KRTAP10-6: variants seen among roughly 807,000 people sequenced by gnomAD.
KRTAP10-6 encodes keratin associated protein 10-6.
KRTAP10-6 carries 1 observed loss-of-function variant against 0.5 expected under a neutral mutation model. The observed-to-expected ratio is 1.92, with a 90% CI of 0.68 to 9.09. The LOEUF (loss-of-function observed/expected upper bound fraction) is 9.09. Among genes scored for constraint, KRTAP10-6 ranks in the 30% most tolerant of loss-of-function variants. The pLI, the probability that KRTAP10-6 is intolerant of heterozygous loss-of-function variation, is 0.13. For synonymous variants in KRTAP10-6, 136 were observed against 196.5 expected (o/e 0.69, Z 2.58); for missense variants, 337 against 464.2 (o/e 0.73, Z 2.52).
rs200861871 is a variant in KRTAP10-6, at chr21:44,592,125, G to A, written c.360C>T (p.Cys120=). Residue 120 remains cysteine, a synonymous_variant, in exon 1 of 1, where the codon TGC becomes TGT. Transcript: ENST00000400368. Reference sequence around the variant, plus strand: ...AGACGGACACACAGCACACAGGCTTGCAGCAGACAGTCTTGCAGCAGACGG... The same window carrying A: ...AGACGGACACACAGCACACAGGCTTACAGCAGACAGTCTTGCAGCAGACGG... ...CVPVCCKTVC[C]KPVCCVSVCC... is the part of the protein sequence containing the mutation. 2.7e-6 allele frequency: 4 copies of A among 1,462,854 alleles called. No homozygotes were observed. The South Asian group carries it at 5.0e-5, about 18-fold the overall frequency. The allele number at this position is 1,462,854 out of a possible 1,614,324, so 90.6% of individuals were successfully genotyped here.
chr21:44,592,008 G>C lies in KRTAP10-6; in HGVS notation c.477C>G (p.Val159=), dbSNP rs782113689. 1.2e-6 allele frequency: 2 copies of C among 1,608,528 alleles called. No homozygotes were observed. The highest frequency in any genetic ancestry group is 1.7e-6 in the Non-Finnish European group (2 of 1,177,990). Residue 159 remains valine (V), a synonymous_variant, in exon 1 of 1, where the codon GTC becomes GTG. Transcript: ENST00000400368. The stretch of plus-strand genomic sequence containing the variant: ...TCCCAGAGCAGACAGGCTTGCAGCA[G>C]ACGGGCACACAGCAGGCCTGCTGGC... ...SPCQQACCVP[V]CCKPVCSGIS...
the KRTAP10-6 span, chr21:44,591,495 G>T: frequency 6.2e-7 from 1 of 1,614,094 alleles, no homozygotes; most frequent in Admixed American, 1.7e-5. Flanking sequence ...AGCTGGGCTG[G>T]CAGGAGGAGG....
rs1173333113 is a variant in KRTAP10-6 at position 44,591,850 on chromosome 21, G to T, written c.635C>A (p.Ser212Tyr). The T allele has an allele frequency of 6.2e-7, 1 of 1,607,900 alleles. No individual in the cohort carries two copies. Among genetic ancestry groups the T allele is most frequent in the Non-Finnish European group, 8.5e-7 (1 of 1,178,926 alleles). Residue 212 changes from serine to tyrosine, a missense_variant, in exon 1 of 1, where the codon TCT becomes TAT. Coordinates refer to ENST00000400368, the MANE Select transcript of KRTAP10-6 (RefSeq NM_198688.3). The part of the protein sequence containing the change: ...SSCTPSCCQQ[S>Y]SCQPTCCTSS... ...GGTGCAGCAAGTTGGCTGGCAGCTA[G>T]ACTGCTGGCAGCATGAGGGTGTGCA...
rs1979873256 is a variant in KRTAP10-6 at position 44,591,733 on chromosome 21, C to A, written c.752G>T (p.Cys251Phe). 6.3e-7 allele frequency: 1 copy of A among 1,596,082 alleles called. No homozygotes were observed. The highest frequency in any genetic ancestry group is 1.4e-5 in the African/African-American group (1 of 73,852). ...PTCSEDSSSC[C>F]QQSSCQPACC... Reference sequence around the variant, plus strand: ...AGCTGGCTGGCAGCTAGACTGCTGGCAGCATGAAGAGGAATCCTCAGAGCA... The same window carrying A: ...AGCTGGCTGGCAGCTAGACTGCTGGAAGCATGAAGAGGAATCCTCAGAGCA... Residue 251 changes from cysteine (C) to phenylalanine (F), a missense_variant, in exon 1 of 1, where the codon TGC becomes TTC. Physicochemically the swap from Cys to Phe is radical, Grantham distance 205. This residue lies in a region of KRTAP10-6 where 218 missense variants were observed against 225.3 expected (regional missense o/e 0.97). Coordinates refer to ENST00000400368, the MANE Select transcript of KRTAP10-6 (RefSeq NM_198688.3).
Position 44,591,745 on chromosome 21 carries a change from G to A in KRTAP10-6, c.740C>T (p.Ser247Phe), listed in dbSNP as rs782137584. The change falls in exon 1 of 1, where the codon TCC becomes TTC. Residue 247 changes from serine to phenylalanine, a missense_variant. By Grantham distance (155) the Ser-to-Phe change is radical. Around this residue, in one of 3 missense-constraint regions of KRTAP10-6, gnomAD observed 218 missense variants for 225.3 expected, o/e 0.97. Coordinates refer to ENST00000400368, the MANE Select transcript of KRTAP10-6 (RefSeq NM_198688.3). ...VCCVPTCSED[S>F]SSCCQQSSCQ... Reference sequence around the variant, plus strand: ...GCTAGACTGCTGGCAGCATGAAGAGGAATCCTCAGAGCAGGTGGGCACACA... The same window carrying A: ...GCTAGACTGCTGGCAGCATGAAGAGAAATCCTCAGAGCAGGTGGGCACACA... The A allele has an allele frequency of 1.9e-5, 31 of 1,602,494 alleles. No individual in the cohort carries two copies. The African/African-American group carries it at 3.9e-4, about 20-fold the overall frequency.
chr21:44,591,635 G>A, the KRTAP10-6 span: 3 of 1,613,764 alleles, frequency 1.9e-6, no homozygotes, highest in East Asian at 2.2e-5. Flanking sequence ...CTAGACTGCT[G>A]GCAGCATGAT....
rs2146128123 is a variant in KRTAP10-6 at position 44,592,500 on chromosome 21, G to T, written c.-16C>A. 2 of 1,597,454 alleles carry T rather than the reference G, an allele frequency of 1.3e-6. No homozygotes were observed. The highest frequency in any genetic ancestry group is 1.7e-6 in the Non-Finnish European group (2 of 1,171,350). ...ACGCGGCCATGCTGGGGTTGAACTG[G>T]TGGAGGGTGAGGGAGTGAGCCTGTG... On this transcript the variant is annotated 5_prime_UTR_variant, in exon 1 of 1. Transcript: ENST00000400368.
rs370922526 is a variant in KRTAP10-6 at position 44,592,228 on chromosome 21, G to A, written c.257C>T (p.Thr86Met). 8.1e-6 allele frequency: 13 copies of A among 1,601,836 alleles called. No homozygotes were observed. The highest frequency in any genetic ancestry group is 4.2e-5 in the African/African-American group (3 of 72,040). Residue 86 changes from threonine (T) to methionine (M), a missense_variant, in exon 1 of 1, where the codon ACG becomes ATG. Physicochemically the swap from Thr to Met is moderately conservative, Grantham distance 81 (BLOSUM62 -1). This residue lies in a region of KRTAP10-6 where 87 missense variants were observed against 208.2 expected (regional missense o/e 0.42). Coordinates refer to ENST00000400368, the MANE Select transcript of KRTAP10-6 (RefSeq NM_198688.3). ...GCTAGACTGCTGGCAGCACGAGGGCGTGCAGGAGCTGGTGCAGCCTGATTG... is the reference window on the plus strand; with the variant it reads ...GCTAGACTGCTGGCAGCACGAGGGCATGCAGGAGCTGGTGCAGCCTGATTG... ...PCQSGCTSSC[T>M]PSCCQQSSCQ...
chr21:44,591,859 C>A lies in KRTAP10-6; in HGVS notation c.626G>T (p.Cys209Phe). The A allele has an allele frequency of 6.2e-7, 1 of 1,605,760 alleles. No homozygotes were observed. The highest frequency in any genetic ancestry group is 8.5e-7 in the Non-Finnish European group (1 of 1,178,734). The change falls in exon 1 of 1, where the codon TGC becomes TTC. Residue 209 changes from cysteine to phenylalanine, a missense_variant. Around this residue, in one of 3 missense-constraint regions of KRTAP10-6, gnomAD observed 218 missense variants for 225.3 expected, o/e 0.97. Transcript: ENST00000400368. ...GCTSSCTPSCCQQSSCQPTCC... is the reference protein window; with the variant it reads ...GCTSSCTPSCFQQSSCQPTCC... The stretch of plus-strand genomic sequence containing the variant: ...AGTTGGCTGGCAGCTAGACTGCTGG[C>A]AGCATGAGGGTGTGCAGGAGCTGGT...
In KRTAP10-6 at chr21:44,591,870, T is replaced by G. The variant is rs233305; in HGVS notation, c.615A>C (p.Thr205=). The G allele has an allele frequency of 6.7e-7, 1 of 1,483,770 alleles. No homozygotes were observed. The highest frequency in any genetic ancestry group is 1.8e-5 in the African/African-American group (1 of 56,052). 91.9% of individuals were successfully genotyped at this position (1,483,770 alleles called of 1,614,324 possible). Residue 205 remains threonine, a synonymous_variant, in exon 1 of 1, where the codon ACA becomes ACC. Transcript: ENST00000400368. Reference sequence around the variant, plus strand: ...AGCTAGACTGCTGGCAGCATGAGGGTGTGCAGGAGCTGGTGCAGCCTGATT... The same window carrying G: ...AGCTAGACTGCTGGCAGCATGAGGGGGTGCAGGAGCTGGTGCAGCCTGATT... The part of the protein sequence containing the change: ...PCQSGCTSSC[T]PSCCQQSSCQ...
rs781919363 is a variant in KRTAP10-6 at position 44,591,993 on chromosome 21, G to A, written c.492C>T (p.Val164=). ...AGCACGAAGAGGAAATCCCAGAGCA[G>A]ACAGGCTTGCAGCAGACGGGCACAC... ...ACCVPVCCKP[V]CSGISSSCCQ... The change falls in exon 1 of 1, where the codon GTC becomes GTT. Residue 164 remains valine, a synonymous_variant. Transcript: ENST00000400368. 83 of 1,598,968 alleles carry A rather than the reference G, an allele frequency of 5.2e-5. No homozygotes were observed. The East Asian group carries it at 1.9e-3, about 36-fold the overall frequency.
rs13051603 is a variant in KRTAP10-6 at position 44,592,106 on chromosome 21, A to G, written c.379T>C (p.Ser127Pro). 0.081 allele frequency: 114,186 copies of G among 1,409,280 alleles called. 20,976 individuals are homozygous for G. The highest frequency in any genetic ancestry group is 0.36 in the African/African-American group (16,573 of 45,900). The allele number at this position is 1,409,280 out of a possible 1,614,324, so 87.3% of individuals were successfully genotyped here. A position where few individuals can be genotyped will look rare whatever the true frequency, so the allele number is the denominator to read the frequency against. Residue 127 changes from serine (S) to proline (P), a missense_variant, in exon 1 of 1, where the codon TCC (serine) becomes CCC (proline). Ser to Pro is a moderately conservative substitution (Grantham distance 74, BLOSUM62 -1). Coordinates refer to ENST00000400368, the MANE Select transcript of KRTAP10-6 (RefSeq NM_198688.3). The part of the protein sequence containing the change: ...TVCCKPVCCV[S>P]VCCGDSSCCQ... ...CATGAAGAATCCCCACAGCAGACGG[A>G]CACACAGCACACAGGCTTGCAGCAG...
At position 44,591,797 on chromosome 21, in the gene KRTAP10-6, C is replaced by A; in HGVS notation, c.688G>T (p.Val230Leu). ...CACACAGGCACGCAGCAGACGGGCA[C>A]GCAGCAGGCCTGCTGGCAGGGGGAG... ...TSSPCQQACCVPVCCVPVCCV... is the reference protein window; with the variant it reads ...TSSPCQQACCLPVCCVPVCCV... Residue 230 changes from valine to leucine, a missense_variant, in exon 1 of 1, where the codon GTG (valine) becomes TTG (leucine). By Grantham distance (32) the Val-to-Leu change is conservative (BLOSUM62 1). Coordinates refer to ENST00000400368, the MANE Select transcript of KRTAP10-6 (RefSeq NM_198688.3). The A allele has an allele frequency of 6.3e-7, 1 of 1,585,636 alleles. No homozygotes were observed.
Position 44,592,039 on chromosome 21 carries a change from G to A in KRTAP10-6, c.446C>T (p.Ser149Phe). Reference sequence around the variant, plus strand: ...CACACAGCAGGCCTGCTGGCAGGGGGAGGAGGTGCAGCAAGCTGACTGGCA... The same window carrying A: ...CACACAGCAGGCCTGCTGGCAGGGGAAGGAGGTGCAGCAAGCTGACTGGCA... The part of the protein sequence containing the change: ...SSCQSACCTS[S>F]PCQQACCVPV... Residue 149 changes from serine to phenylalanine, a missense_variant, in exon 1 of 1, where the codon TCC becomes TTC. Transcript: ENST00000400368. 6.2e-7 allele frequency: 1 copy of A among 1,601,152 alleles called. No individual in the cohort carries two copies. Among genetic ancestry groups the A allele is most frequent in the East Asian group, 2.3e-5 (1 of 44,386 alleles).
In KRTAP10-6 at chr21:44,592,487, T is replaced by G. The variant is rs1980045521; in HGVS notation, c.-3A>C. ...ACGGACATGGTGGACGCGGCCATGC[T>G]GGGGTTGAACTGGTGGAGGGTGAGG... is the stretch of plus-strand genomic sequence containing the variant. On this transcript the variant is annotated 5_prime_UTR_variant, in exon 1 of 1. Coordinates refer to ENST00000400368, the MANE Select transcript of KRTAP10-6 (RefSeq NM_198688.3). The G allele has an allele frequency of 6.2e-7, 1 of 1,606,338 alleles. No homozygotes were observed. Among genetic ancestry groups the G allele is most frequent in the Non-Finnish European group, 8.5e-7 (1 of 1,176,070 alleles).
rs200861871 is a variant in KRTAP10-6, at chr21:44,592,125, G to C, written c.360C>G (p.Cys120Trp). The change falls in exon 1 of 1, where the codon TGC becomes TGG. Residue 120 changes from cysteine to tryptophan, a missense_variant. By Grantham distance (215) the Cys-to-Trp change is radical. Coordinates refer to ENST00000400368, the MANE Select transcript of KRTAP10-6 (RefSeq NM_198688.3). Reference protein sequence around the residue: ...CVPVCCKTVCCKPVCCVSVCC... With the variant: ...CVPVCCKTVCWKPVCCVSVCC... ...AGACGGACACACAGCACACAGGCTTGCAGCAGACAGTCTTGCAGCAGACGG... is the reference window on the plus strand; with the variant it reads ...AGACGGACACACAGCACACAGGCTTCCAGCAGACAGTCTTGCAGCAGACGG... 56 of 1,462,786 alleles carry C rather than the reference G, an allele frequency of 3.8e-5. 3 individuals are homozygous for C. The highest frequency in any genetic ancestry group is 4.8e-5 in the Non-Finnish European group (52 of 1,089,016). The allele number at this position is 1,462,786 out of a possible 1,614,324, so 90.6% of individuals were successfully genotyped here. A position where few individuals can be genotyped will look rare whatever the true frequency, so the allele number is the denominator to read the frequency against.
Position 44,591,991 on chromosome 21 carries a change from C to T in KRTAP10-6, c.494G>A (p.Cys165Tyr). The part of the protein sequence containing the change: ...CCVPVCCKPV[C>Y]SGISSSCCQQ... ...GCAGCACGAAGAGGAAATCCCAGAG[C>T]AGACAGGCTTGCAGCAGACGGGCAC... Residue 165 changes from cysteine (C) to tyrosine (Y), a missense_variant, in exon 1 of 1, where the codon TGC (cysteine) becomes TAC (tyrosine). Transcript: ENST00000400368. 6.2e-7 allele frequency: 1 copy of T among 1,603,250 alleles called. No homozygotes were observed. The highest frequency in any genetic ancestry group is 8.5e-7 in the Non-Finnish European group (1 of 1,176,956).
At position 44,592,039 on chromosome 21, in the gene KRTAP10-6, G is replaced by C. The variant is rs782600759; in HGVS notation, c.446C>G (p.Ser149Cys). The C allele has an allele frequency of 6.2e-7, 1 of 1,601,152 alleles. No homozygotes were observed. Among genetic ancestry groups the C allele is most frequent in the South Asian group, 1.1e-5 (1 of 90,372 alleles). Residue 149 changes from serine (S) to cysteine (C), a missense_variant, in exon 1 of 1, where the codon TCC (serine) becomes TGC (cysteine). Ser to Cys is a moderately radical substitution (Grantham distance 112). Around this residue, in one of 3 missense-constraint regions of KRTAP10-6, gnomAD observed 87 missense variants for 208.2 expected, o/e 0.42. Transcript: ENST00000400368. ...CACACAGCAGGCCTGCTGGCAGGGG[G>C]AGGAGGTGCAGCAAGCTGACTGGCA... The part of the protein sequence containing the change: ...SSCQSACCTS[S>C]PCQQACCVPV...
chr21:44,592,493 T>G lies in KRTAP10-6; in HGVS notation c.-9A>C, dbSNP rs1555927055. 3 of 1,603,026 alleles carry G rather than the reference T, an allele frequency of 1.9e-6. No homozygotes were observed. The highest frequency in any genetic ancestry group is 2.6e-6 in the Non-Finnish European group (3 of 1,174,370). ...ATGGTGGACGCGGCCATGCTGGGGT[T>G]GAACTGGTGGAGGGTGAGGGAGTGA... On this transcript the variant is annotated 5_prime_UTR_variant, in exon 1 of 1. Transcript: ENST00000400368.
Sources: gnomAD v4.1 joint callset for allele counts on GRCh38, gnomAD v4.1.1 for gene constraint, gnomAD v4.1.1 regional missense constraint, MANE v1.5 for transcripts, NCBI Gene and HGNC (gene_info 2026-07-23, HGNC 2026-07-21) for gene names.